The following PHACTR1 variants were observed in gnomAD, a reference collection of about 807,000 sequenced individuals.
PHACTR1 encodes RPEL repeat containing 1.
In PHACTR1, 16 loss-of-function variants were observed where a neutral mutation model predicts 69.2. The ratio of observed to expected loss-of-function variants is 0.23; its 90% CI spans 0.16 to 0.35. PHACTR1 has a LOEUF of 0.35. Ranked by LOEUF, PHACTR1 falls within the 10% of genes least tolerant of loss-of-function variation. PHACTR1 has a pLI of 1.00. For missense variants in PHACTR1, 510 were observed against 734.7 expected (o/e 0.69, Z 3.54); for synonymous variants, 312 against 284.5 (o/e 1.10, Z -0.97).
intron 4 of PHACTR1, among the ~76,000 whole-genome samples, chr6:12,937,989 A>G (rs1789647429): frequency 6.6e-6 from 1 of 152,070 alleles, no homozygotes; most frequent in Non-Finnish European, 1.5e-5. Context: ...AATCCCAGCT[A>G]CTCGGGAGGC....
At chr6:12,843,081 A>C (rs1469105800) in intron 4 of PHACTR1, among the ~76,000 whole-genome samples, 1 of 152,192 alleles carries the variant, frequency 6.6e-6, no homozygotes, top group Non-Finnish European at 1.5e-5. Flanking sequence ...TTGATGGTCC[A>C]AGTATCTTAA....
intron 4 of PHACTR1, among the ~76,000 whole-genome samples, chr6:12,898,861 G>A (rs183812920): frequency 1.1e-4 from 16 of 152,254 alleles, no homozygotes; most frequent in African/African-American, 3.9e-4. Flanking sequence ...CAGCTCCCCT[G>A]CACCGCACTG....
chr6:12,983,455 T>C (rs1795757652), intron 4 of PHACTR1, among the ~76,000 whole-genome samples: 1 of 152,162 alleles, frequency 6.6e-6, no homozygotes, highest in Admixed American at 6.5e-5. Context: ...GTCTTGAAGG[T>C]ACATGGTGAG....
At chr6:12,953,686 A>T (rs998093938) in intron 4 of PHACTR1, among the ~76,000 whole-genome samples, 1 of 152,212 alleles carries the variant, frequency 6.6e-6, no homozygotes, top group African/African-American at 2.4e-5. Flanking sequence ...AATTAAATGA[A>T]ATCTGTGTAA....
chr6:13,113,192 T>A (rs1021498867), intron 5 of PHACTR1, among the ~76,000 whole-genome samples: 2 of 151,926 alleles, frequency 1.3e-5, no homozygotes, highest in Non-Finnish European at 2.9e-5. Context: ...CAGAGCAAGA[T>A]CCTGTCTCAA....
intron 11 of PHACTR1, chr6:13,273,205 T>A (rs1053426052): frequency 1.6e-5 from 6 of 381,754 alleles, no homozygotes; most frequent in Non-Finnish European, 2.3e-5. Flanking sequence ...AGACCACTTA[T>A]TATTTAATGA....
At chr6:13,192,375 T>C (rs1417307733) in intron 7 of PHACTR1, among the ~76,000 whole-genome samples, 1 of 152,138 alleles carries the variant, frequency 6.6e-6, no homozygotes, top group Admixed American at 6.5e-5. Flanking sequence ...CACAGGCACG[T>C]GGGTACAAGG....
intron 3 of PHACTR1, among the ~76,000 whole-genome samples, chr6:12,733,074 A>G (rs1271118039): frequency 6.6e-6 from 1 of 152,192 alleles, no homozygotes; most frequent in Non-Finnish European, 1.5e-5. Flanking sequence ...AGAAATTTTT[A>G]TGTTCTTTCC....
At chr6:12,850,812 A>C (rs1260497616) in intron 4 of PHACTR1, among the ~76,000 whole-genome samples, 1 of 152,106 alleles carries the variant, frequency 6.6e-6, no homozygotes, top group Admixed American at 6.5e-5. Flanking sequence ...CTCTTCCTGC[A>C]CGTGCCTCTG....
rs1306671928 is a variant in PHACTR1, at chr6:13,142,738, C to T, written c.416-17466C>T. Among the ~76,000 whole-genome samples the T allele has an allele frequency of 3.3e-5, 5 of 152,106 alleles. No homozygotes were observed. The East Asian group carries it at 9.6e-4, about 29-fold the overall frequency. ...ATATGAGAGTTTATTTCTGGATTCTCGATTCTATTCCATTCATCTCTATGC... is the reference window on the plus strand; with the variant it reads ...ATATGAGAGTTTATTTCTGGATTCTTGATTCTATTCCATTCATCTCTATGC... On this transcript the variant is annotated intron_variant, in intron 5 of 14. Coordinates refer to ENST00000332995, the MANE Select transcript of PHACTR1 (RefSeq NM_030948.6).
Position 13,241,316 on chromosome 6 carries a change from T to C in PHACTR1, c.1391+11123T>C, listed in dbSNP as rs1772809615. Among the ~76,000 whole-genome samples the C allele has an allele frequency of 2.0e-5, 3 of 152,210 alleles. No homozygotes were observed. The South Asian group carries it at 6.2e-4, about 32-fold the overall frequency. On this transcript the variant is annotated intron_variant, in intron 10 of 14. Transcript: ENST00000332995. The stretch of plus-strand genomic sequence containing the variant: ...AGGTCCAATGCAGTGGTTCTCCTGG[T>C]GTGGCCCTTGGGCTAATGGCATCAG...
At chr6:13,144,632 G>A (rs183942758) in intron 5 of PHACTR1, among the ~76,000 whole-genome samples, 2 of 151,962 alleles carry the variant, frequency 1.3e-5, no homozygotes, top group African/African-American at 4.8e-5. Context: ...CAAATGTGGT[G>A]GCACATGACT....
intron 10 of PHACTR1, among the ~76,000 whole-genome samples, chr6:13,244,493 C>T (rs962570441): frequency 6.6e-6 from 1 of 152,208 alleles, no homozygotes; most frequent in Non-Finnish European, 1.5e-5. Context: ...TATTTCACCC[C>T]TGCAGTCTCA....
Position 12,850,814 on chromosome 6 carries a change from G to A in PHACTR1, c.250+101024G>A, listed in dbSNP as rs55975720. On this transcript the variant is annotated intron_variant, in intron 4 of 14. Transcript: ENST00000332995. ...GTGTCTTCACGCCCTCTTCCTGCACGTGCCTCTGTGCCTCTTCTTCTCTCC... is the reference window on the plus strand; with the variant it reads ...GTGTCTTCACGCCCTCTTCCTGCACATGCCTCTGTGCCTCTTCTTCTCTCC... Among the ~76,000 whole-genome samples, 409 of 152,206 alleles carry A rather than the reference G, an allele frequency of 2.7e-3. 3 individuals are homozygous for A. Among genetic ancestry groups the A allele is most frequent in the African/African-American group, 9.4e-3 (391 of 41,510 alleles).
chr6:13,124,213 A>T (rs1222219962), intron 5 of PHACTR1, among the ~76,000 whole-genome samples: 2 of 152,162 alleles, frequency 1.3e-5, no homozygotes, highest in African/African-American at 2.4e-5. Flanking sequence ...CCTCTTGTTG[A>T]TGCTAGGAGA....
At chr6:12,737,862 G>A (rs1280465723) in intron 3 of PHACTR1, among the ~76,000 whole-genome samples, 1 of 152,060 alleles carries the variant, frequency 6.6e-6, no homozygotes. Context: ...TGAGATTATA[G>A]GCATGAGTCA....
intron 4 of PHACTR1, among the ~76,000 whole-genome samples, chr6:12,984,730 A>T (rs1413048652): frequency 6.6e-6 from 1 of 152,186 alleles, no homozygotes; most frequent in Admixed American, 6.5e-5. Context: ...ATTACTGGGG[A>T]GAGGATGGGT....
At chr6:12,969,856 A>C (rs1352842978) in intron 4 of PHACTR1, among the ~76,000 whole-genome samples, 1 of 152,102 alleles carries the variant, frequency 6.6e-6, no homozygotes, top group Non-Finnish European at 1.5e-5. Flanking sequence ...CCAGCTACTC[A>C]GGAGGCTGAG....
chr6:13,125,405 A>C (rs2127954334), intron 5 of PHACTR1, among the ~76,000 whole-genome samples: 1 of 151,382 alleles, frequency 6.6e-6, no homozygotes, highest in Non-Finnish European at 1.5e-5. Context: ...ATCTGTTTTT[A>C]AGACCAGCAG....
Sources: gnomAD v4.1 joint callset for allele counts (sites outside exome capture counted in the v4.1 genomes callset) on GRCh38, gnomAD v4.1.1 for gene constraint, MANE v1.5 for transcripts, NCBI Gene and HGNC (gene_info 2026-07-23, HGNC 2026-07-21) for gene names.